The following L2HGDH variants were observed in gnomAD, a reference collection of about 807,000 sequenced individuals.
The protein encoded by L2HGDH is L-2-hydroxyglutarate dehydrogenase, mitochondrial.
A neutral mutation model predicts 51.5 loss-of-function variants in L2HGDH; 34 were observed. That is an observed-to-expected ratio of 0.66 (90% CI 0.50 to 0.88). L2HGDH has a LOEUF of 0.88. Among genes scored for constraint, L2HGDH ranks in the 40% least tolerant of loss-of-function variants. L2HGDH has a pLI of 0.00. For missense variants in L2HGDH, 558 were observed against 571.9 expected, an observed-to-expected ratio of 0.98 and a Z score of 0.25; for synonymous variants, 198 against 197.9, an observed-to-expected ratio of 1.00 and a Z score of -0.01.
chr14:50,277,645 G>T (rs988316696), intron 6 of L2HGDH, among the ~76,000 whole-genome samples: 1 of 151,680 alleles, frequency 6.6e-6, no homozygotes, highest in Non-Finnish European at 1.5e-5. Flanking sequence ...GTGTGGTGGC[G>T]GGCGCCTGTC....
chr14:50,310,633 G>A (rs1483706747), intron 1 of L2HGDH, among the ~76,000 whole-genome samples: 1 of 152,022 alleles, frequency 6.6e-6, no homozygotes, highest in Non-Finnish European at 1.5e-5. Context: ...AGCCCAGGAG[G>A]GTGGAGGCTG....
intron 1 of L2HGDH, among the ~76,000 whole-genome samples, chr14:50,310,739 A>T (rs2139238710): frequency 6.6e-6 from 1 of 152,074 alleles, no homozygotes. Context: ...AAGTATAAAC[A>T]AAACTTTCAC....
intron 4 of L2HGDH, among the ~76,000 whole-genome samples, chr14:50,285,107 C>T (rs1004248899): frequency 4.6e-5 from 7 of 152,098 alleles, no homozygotes. Context: ...ATTAGCCGAA[C>T]GTGGTGGCGG....
At chr14:50,291,662 C>T (rs1890892385) in intron 4 of L2HGDH, among the ~76,000 whole-genome samples, 1 of 152,148 alleles carries the variant, frequency 6.6e-6, no homozygotes, top group African/African-American at 2.4e-5. Context: ...CCAACTTTAA[C>T]TTTACAACTA....
intron 9 of L2HGDH, among the ~76,000 whole-genome samples, chr14:50,247,531 T>A (rs962197342): frequency 6.6e-6 from 1 of 152,214 alleles, no homozygotes; most frequent in African/African-American, 2.4e-5. Context: ...GTCTGCTCTT[T>A]CCAAAGGTAG....
chr14:50,288,543 G>A (rs1047705868), intron 4 of L2HGDH, among the ~76,000 whole-genome samples: 4 of 152,136 alleles, frequency 2.6e-5, no homozygotes, highest in South Asian at 4.1e-4. Context: ...CGATTCTCCT[G>A]CCTCAGCTTC....
At chr14:50,259,960 G>A (rs2139955164) in intron 9 of L2HGDH, among the ~76,000 whole-genome samples, 1 of 146,680 alleles carries the variant, frequency 6.8e-6, no homozygotes. Flanking sequence ...GGGGAGGGAG[G>A]GAGAAAGAAG....
At chr14:50,270,515 T>C (rs1889613478) in intron 6 of L2HGDH, among the ~76,000 whole-genome samples, 1 of 148,124 alleles carries the variant, frequency 6.8e-6, no homozygotes, top group South Asian at 2.1e-4. Context: ...TTGTTGTTGT[T>C]GTTGTTTTGA....
intron 8 of L2HGDH, among the ~76,000 whole-genome samples, chr14:50,266,904 T>A (rs189245102): frequency 6.6e-6 from 1 of 152,266 alleles, no homozygotes; most frequent in East Asian, 1.9e-4. Flanking sequence ...AGAATCTGCA[T>A]CTTAGGTCAA....
chr14:50,243,018 C>T lies in L2HGDH; in HGVS notation c.*4040G>A, dbSNP rs1229280495. 4.1e-6 allele frequency: 4 copies of T among 985,368 alleles called. No individual in the cohort carries two copies. The South Asian group carries it at 1.9e-4, about 46-fold the overall frequency. The allele number at this position is 985,368 out of a possible 1,614,324, so 61.0% of individuals were successfully genotyped here. On this transcript the variant is annotated 3_prime_UTR_variant, in exon 10 of 10. Transcript: ENST00000267436. ...CCAGGGCCTGGCAGTATACCCCATT[C>T]TCACCACCATCCTTTGAAGAAAGTT...
Position 50,293,372 on chromosome 14 carries a change from G to A in L2HGDH, c.540+743C>T, listed in dbSNP as rs879024491. 8 of 636,442 alleles carry A rather than the reference G, an allele frequency of 1.3e-5. No homozygotes were observed. The Admixed American group carries it at 2.0e-4, about 16-fold the overall frequency. 39.4% of individuals were successfully genotyped at this position (636,442 alleles called of 1,614,324 possible). On this transcript the variant is annotated intron_variant, in intron 4 of 9. Coordinates refer to ENST00000267436, the MANE Select transcript of L2HGDH (RefSeq NM_024884.3). ...TGGACTGTAGATCTAAATGTGAAAT[G>A]TAAAACAATAAAACTTTTAGAAAAA...
intron 3 of L2HGDH, among the ~76,000 whole-genome samples, chr14:50,296,038 C>T (rs970699502): frequency 2.0e-5 from 3 of 151,968 alleles, no homozygotes; most frequent in South Asian, 2.1e-4. Context: ...CACACCCAGC[C>T]TCATAGCAAC....
chr14:50,282,524 G>A lies in L2HGDH; in HGVS notation c.703+1347C>T, dbSNP rs1272567262. 11 of 455,982 alleles carry A rather than the reference G, an allele frequency of 2.4e-5. No individual in the cohort carries two copies. The East Asian group carries it at 6.9e-4, about 29-fold the overall frequency. The allele number at this position is 455,982 out of a possible 1,614,324, so 28.2% of individuals were successfully genotyped here. ...ATTCAGCTTGTGGGGAACATAGTGTGGGTCCAGTATAGTTCAGTAATTAAC... is the reference window on the plus strand; with the variant it reads ...ATTCAGCTTGTGGGGAACATAGTGTAGGTCCAGTATAGTTCAGTAATTAAC... On this transcript the variant is annotated intron_variant, in intron 5 of 9. Transcript: ENST00000267436.
chr14:50,285,765 A>G (rs1189410313), intron 4 of L2HGDH, among the ~76,000 whole-genome samples: 1 of 152,140 alleles, frequency 6.6e-6, no homozygotes, highest in Non-Finnish European at 1.5e-5. Context: ...ACACTCAAAC[A>G]TTTACTGAAG....
intron 3 of L2HGDH, among the ~76,000 whole-genome samples, chr14:50,299,180 G>A (rs1238556213): frequency 6.6e-6 from 1 of 151,958 alleles, no homozygotes; most frequent in African/African-American, 2.4e-5. Flanking sequence ...ATTGTTAAAG[G>A]CTACTATGAC....
intron 9 of L2HGDH, among the ~76,000 whole-genome samples, chr14:50,252,556 A>G (rs1031293881): frequency 6.6e-6 from 1 of 152,072 alleles, no homozygotes; most frequent in African/African-American, 2.4e-5. Context: ...TAAAGATACA[A>G]AGAGACTAAA....
intron 8 of L2HGDH, among the ~76,000 whole-genome samples, chr14:50,265,849 G>C (rs1889305389): frequency 6.6e-6 from 1 of 152,328 alleles, no homozygotes; most frequent in Middle Eastern, 3.4e-3. Context: ...AGGAGGCAGA[G>C]GTTGCAGTGA....
chr14:50,278,199 G>C (rs539615638), intron 6 of L2HGDH, among the ~76,000 whole-genome samples: 1 of 152,272 alleles, frequency 6.6e-6, no homozygotes, highest in East Asian at 1.9e-4. Context: ...TCCCTCTTCC[G>C]AAGTCTTCTG....
At position 50,291,197 on chromosome 14, in the gene L2HGDH, C is replaced by CAA. The variant is rs1159640500; in HGVS notation, c.540+2916_540+2917dup. Among the ~76,000 whole-genome samples, 90 of 30,620 alleles carry CAA rather than the reference C, an allele frequency of 2.9e-3. 1 individual carries two copies. Among genetic ancestry groups the CAA allele is most frequent in the East Asian group, 0.013 (5 of 396 alleles). 20.1% of individuals were successfully genotyped at this position (30,620 alleles called of 152,430 possible). On this transcript the variant is annotated intron_variant, in intron 4 of 9. Transcript: ENST00000267436. ...TGGGGGACAGACTGAGACTCCGTCT[C>CAA]AAAAAAAAAAAAAAAAAAAAAAAAA...
Sources: allele counts gnomAD v4.1 joint callset (sites outside exome capture counted in the v4.1 genomes callset), GRCh38; gene constraint gnomAD v4.1.1; transcripts MANE v1.5; gene names NCBI Gene and HGNC (gene_info 2026-07-23, HGNC 2026-07-21).